The following TRIM29 variants were observed in gnomAD, a reference collection of about 807,000 sequenced individuals.
The protein encoded by TRIM29 is tripartite motif containing 29.
A neutral mutation model predicts 57.3 loss-of-function variants in TRIM29; 52 were observed. That is an observed-to-expected ratio of 0.91 (90% confidence interval 0.73 to 1.14). The LOEUF (loss-of-function observed/expected upper bound fraction) is 1.14, where lower values mean the gene tolerates loss of function less well. Ranked by LOEUF, TRIM29 falls within the 50% of genes most tolerant of loss-of-function variation. The pLI, the probability that TRIM29 is intolerant of heterozygous loss-of-function variation, is 0.00. For synonymous variants in TRIM29, 319 were observed against 316.9 expected, an observed-to-expected ratio of 1.01 and a Z score of -0.07; for missense variants, 753 against 774.6, an observed-to-expected ratio of 0.97 and a Z score of 0.33.
intron 1 of TRIM29, among the ~76,000 whole-genome samples, chr11:120,132,521 T>C (rs1483696453): frequency 1.3e-5 from 2 of 152,208 alleles, no homozygotes; most frequent in East Asian, 3.9e-4. Context: ...TCCTTCAGCC[T>C]TGGGTGAGCA....
In TRIM29 at chr11:120,117,161, G is replaced by A. The variant is rs539660780; in HGVS notation, c.1627+1062C>T. On this transcript the variant is annotated intron_variant, in intron 7 of 8. Coordinates refer to ENST00000341846, the MANE Select transcript of TRIM29 (RefSeq NM_012101.4). Reference sequence around the variant, plus strand: ...GCTGCTCTGAATCACACCTGAGAGCGGCCACCTCCCCTGCCAGGTGCTCTG... The same window carrying A: ...GCTGCTCTGAATCACACCTGAGAGCAGCCACCTCCCCTGCCAGGTGCTCTG... The A allele has an allele frequency of 7.8e-5, 20 of 256,312 alleles. No individual in the cohort carries two copies. The East Asian group carries it at 1.3e-3, about 17-fold the overall frequency. The allele number at this position is 256,312 out of a possible 1,614,324, so 15.9% of individuals were successfully genotyped here.
At chr11:120,121,860 G>C (rs1863456786) in intron 5 of TRIM29, 1 of 390,616 alleles carries the variant, frequency 2.6e-6, no homozygotes, top group Non-Finnish European at 5.2e-6. Flanking sequence ...AGAGACAGGA[G>C]GGACAGGGCC....
chr11:120,122,818 C>T, intron 5 of TRIM29, 136 bp downstream of exon 5: 1 of 683,342 alleles, frequency 1.5e-6, no homozygotes, highest in Non-Finnish European at 2.6e-6. Context: ...ACGTAGATGC[C>T]AGGACTTTCC....
In TRIM29 at chr11:120,112,229, G is replaced by A; in HGVS notation, c.*185C>T. 1 of 596,052 alleles carries A rather than the reference G, an allele frequency of 1.7e-6. No individual in the cohort carries two copies. Among genetic ancestry groups the A allele is most frequent in the Non-Finnish European group, 2.9e-6 (1 of 340,186 alleles). 36.9% of individuals were successfully genotyped at this position (596,052 alleles called of 1,614,324 possible). On this transcript the variant is annotated 3_prime_UTR_variant, in exon 9 of 9. Transcript: ENST00000341846. ...ACAAGGCAGGAAAGGAGTCTGAATG[G>A]AGTGTGGCCAGTGGGGAAGTCGGAG...
chr11:120,120,447 C>G (rs1863409124), intron 6 of TRIM29, 126 bp downstream of exon 6: 1 of 865,116 alleles, frequency 1.2e-6, no homozygotes, highest in Admixed American at 2.4e-5. Context: ...CTCCACCCAT[C>G]CTAGCTTCCC....
chr11:120,131,632 C>T (rs1863724816), intron 1 of TRIM29, among the ~76,000 whole-genome samples: 1 of 151,420 alleles, frequency 6.6e-6, no homozygotes. Flanking sequence ...ACAGCAGGCT[C>T]TTGGAGTTCC....
intron 7 of TRIM29, chr11:120,117,110 A>T (rs1863291598): frequency 2.9e-6 from 1 of 347,572 alleles, no homozygotes; most frequent in South Asian, 2.2e-5. Context: ...CAGAGGGGCC[A>T]AAAGGACCCA....
chr11:120,124,629 C>G (rs1167083375), intron 4 of TRIM29: 1 of 152,228 alleles, frequency 6.6e-6, no homozygotes, highest in East Asian at 1.9e-4. Context: ...CTGTCACCAT[C>G]ACCATTAGCA....
At chr11:120,114,806 G>A (rs1863226287) in intron 8 of TRIM29, among the ~76,000 whole-genome samples, 3 of 152,158 alleles carry the variant, frequency 2.0e-5, no homozygotes, top group South Asian at 2.1e-4. Context: ...ATGCTTCCCT[G>A]TCATGCTGCT....
At chr11:120,115,590 G>T in intron 7 of TRIM29, 176 bp from the exon 8 acceptor site, 1 of 602,654 alleles carries the variant, frequency 1.7e-6, no homozygotes, top group South Asian at 2.0e-5. Flanking sequence ...CGAAAATCCT[G>T]GGGAGGCTGG....
rs1863150734 is a variant in TRIM29 at position 120,112,185 on chromosome 11, A to G, written c.*229T>C. ...GGGTTGGCCTCTGAGCACAGGAATG[A>G]TGGTGACCATCTGAGGTCACAAGGC... On this transcript the variant is annotated 3_prime_UTR_variant, in exon 9 of 9. Coordinates refer to ENST00000341846, the MANE Select transcript of TRIM29 (RefSeq NM_012101.4). 4 of 512,656 alleles carry G rather than the reference A, an allele frequency of 7.8e-6. No homozygotes were observed. Among genetic ancestry groups the G allele is most frequent in the Non-Finnish European group, 1.4e-5 (4 of 285,130 alleles). 31.8% of individuals were successfully genotyped at this position (512,656 alleles called of 1,614,324 possible).
intron 2 of TRIM29, 91 bp downstream of exon 2, chr11:120,128,309 C>T (rs1863641809): frequency 9.2e-7 from 1 of 1,084,676 alleles, no homozygotes; most frequent in Non-Finnish European, 1.4e-6. Context: ...TCTACGTGGG[C>T]CTGGGACTCA....
At chr11:120,135,156 C>T (rs1382231023) in intron 1 of TRIM29, among the ~76,000 whole-genome samples, 1 of 152,134 alleles carries the variant, frequency 6.6e-6, no homozygotes, top group African/African-American at 2.4e-5. Flanking sequence ...TCCAGGGGTG[C>T]CCAGGCTTAA....
rs891770283 is a variant in TRIM29, at chr11:120,112,282, C to G, written c.*132G>C. 9 of 1,041,568 alleles carry G rather than the reference C, an allele frequency of 8.6e-6. No individual in the cohort carries two copies. The African/African-American group carries it at 1.5e-4, about 17-fold the overall frequency. The allele number at this position is 1,041,568 out of a possible 1,614,324, so 64.5% of individuals were successfully genotyped here. A position where few individuals can be genotyped will look rare whatever the true frequency, so the allele number is the denominator to read the frequency against. On this transcript the variant is annotated 3_prime_UTR_variant, in exon 9 of 9. Coordinates refer to ENST00000341846, the MANE Select transcript of TRIM29 (RefSeq NM_012101.4). Reference sequence around the variant, plus strand: ...GCCGGAACTGCCCCCAAGAGGCTGGCAGAGGGCTGCAGAGGGCAGGTGCAG... The same window carrying G: ...GCCGGAACTGCCCCCAAGAGGCTGGGAGAGGGCTGCAGAGGGCAGGTGCAG...
intron 8 of TRIM29, among the ~76,000 whole-genome samples, chr11:120,114,607 C>T (rs1863220982): frequency 6.6e-6 from 1 of 152,214 alleles, no homozygotes; most frequent in African/African-American, 2.4e-5. Flanking sequence ...CATTCAGGCA[C>T]ATGGGGGCTC....
At position 120,137,500 on chromosome 11, in the gene TRIM29, C is replaced by A; in HGVS notation, c.532G>T (p.Gly178Cys). Residue 178 changes from glycine to cysteine, a missense_variant, in exon 1 of 9, where the codon GGC becomes TGC. By Grantham distance (159) the Gly-to-Cys change is radical. Transcript: ENST00000341846. This position sits in a 1 kb window ranked among gnomAD's most constrained non-coding sequence, Gnocchi z 6.2. ...SEEVLCDSCI[G>C]NKQKAVKSCL... is the part of the protein sequence containing the mutation. ...GACTTGACCGCCTTCTGCTTGTTGCCGATGCAGGAGTCGCACAGCACCTCC... is the reference window on the plus strand; with the variant it reads ...GACTTGACCGCCTTCTGCTTGTTGCAGATGCAGGAGTCGCACAGCACCTCC... The A allele has an allele frequency of 6.2e-7, 1 of 1,602,690 alleles. No individual in the cohort carries two copies. The highest frequency in any genetic ancestry group is 8.5e-7 in the Non-Finnish European group (1 of 1,179,886).
At chr11:120,117,912 G>A (rs1026435820) in intron 7 of TRIM29, 2 of 377,244 alleles carry the variant, frequency 5.3e-6, no homozygotes, top group Non-Finnish European at 9.8e-6. Flanking sequence ...GCATCCTGAG[G>A]ATCAGAGAGG....
rs1308863804 is a variant in TRIM29 at position 120,111,429 on chromosome 11, GTT to G, written c.*983_*984del. ...AGATGTCCCCACTGTGCTGCTCCTG[GTT>G]TTGTCTCCTCTCCAATCCTTGAGCA... On this transcript the variant is annotated 3_prime_UTR_variant, in exon 9 of 9. Transcript: ENST00000341846. The G allele has an allele frequency of 6.6e-6, 1 of 152,276 alleles. No individual in the cohort carries two copies. Among genetic ancestry groups the G allele is most frequent in the Non-Finnish European group, 1.5e-5 (1 of 68,068 alleles). 9.4% of individuals were successfully genotyped at this position (152,276 alleles called of 1,614,324 possible).
At chr11:120,129,000 C>T (rs1405202199) in intron 1 of TRIM29, 5 of 1,094,828 alleles carry the variant, frequency 4.6e-6, no homozygotes, top group African/African-American at 3.2e-5. Flanking sequence ...GCGTGGACTC[C>T]GTCTGGGCAG....
Sources: allele counts gnomAD v4.1 joint callset (sites outside exome capture counted in the v4.1 genomes callset), GRCh38; gene constraint gnomAD v4.1.1; non-coding constraint Gnocchi (gnomAD v3.1); transcripts MANE v1.5; gene names NCBI Gene and HGNC (gene_info 2026-07-23, HGNC 2026-07-21).